Variants in ALOX5AP observed in about 807,000 individuals in gnomAD.
ALOX5AP encodes the protein arachidonate 5-lipoxygenase-activating protein.
ALOX5AP carries 9 observed loss-of-function variants against 18.5 expected under a neutral mutation model. The observed-to-expected ratio is 0.49, with a 90% CI of 0.29 to 0.85. The LOEUF is 0.85. Among genes scored for constraint, ALOX5AP ranks in the 40% least tolerant of loss-of-function variants. The probability of loss-of-function intolerance (pLI) is 0.08; values close to 1 mark genes in which losing one functional copy is unlikely to be tolerated. For synonymous variants in ALOX5AP, 81 were observed against 78.6 expected (o/e 1.03, Z -0.16); for missense variants, 172 against 202.5 (o/e 0.85, Z 0.91).
chr13:30,718,624 G>T (rs1951568881), intron 1 of ALOX5AP, among the ~76,000 whole-genome samples: 1 of 151,914 alleles, frequency 6.6e-6, no homozygotes, highest in Admixed American at 6.6e-5. Context: ...TCTGGAACCT[G>T]CCATCCCTGC....
intron 1 of ALOX5AP, among the ~76,000 whole-genome samples, chr13:30,719,180 A>G (rs1951573590): frequency 6.6e-6 from 1 of 152,226 alleles, no homozygotes; most frequent in Non-Finnish European, 1.5e-5. Context: ...GGTGACAATA[A>G]TGGAGGTTGA....
upstream of ALOX5AP, among the ~76,000 whole-genome samples, chr13:30,733,727 A>G (rs1013369766): frequency 6.6e-6 from 1 of 152,210 alleles, no homozygotes; most frequent in East Asian, 1.9e-4. Flanking sequence ...GGTGTCATCA[A>G]TCCACTGAGG....
chr13:30,734,753 T>C (rs1412080303), upstream of ALOX5AP, among the ~76,000 whole-genome samples: 1 of 152,234 alleles, frequency 6.6e-6, no homozygotes, highest in Admixed American at 6.5e-5. Flanking sequence ...TTTACCTGAA[T>C]TCTTTGGTTT....
chr13:30,756,830 A>G (rs906929862), intron 4 of ALOX5AP, among the ~76,000 whole-genome samples: 1 of 151,186 alleles, frequency 6.6e-6, no homozygotes, highest in Non-Finnish European at 1.5e-5. Flanking sequence ...AAAAAAAAAA[A>G]AAAAAAAAAA....
intron 4 of ALOX5AP, among the ~76,000 whole-genome samples, chr13:30,761,752 C>T (rs772846160): frequency 2.6e-5 from 4 of 152,204 alleles, no homozygotes; most frequent in Non-Finnish European, 5.9e-5. Context: ...TGTGTCTTCA[C>T]ATCATCACCT....
intron 3 of ALOX5AP, 40 bp from the exon 4 acceptor site, chr13:30,755,904 G>T (rs200311897): frequency 6.3e-7 from 1 of 1,595,280 alleles, no homozygotes; most frequent in East Asian, 2.2e-5. Flanking sequence ...TGTTTTGGTG[G>T]CTACGAAACT....
chr13:30,732,045 G>A (rs1386265639), upstream of ALOX5AP, among the ~76,000 whole-genome samples: 1 of 152,266 alleles, frequency 6.6e-6, no homozygotes, highest in East Asian at 1.9e-4. Context: ...TGTGCGCGCT[G>A]TAATTTAATG....
At chr13:30,728,762 C>A (rs1951657687) in intron 1 of ALOX5AP, among the ~76,000 whole-genome samples, 4 of 152,124 alleles carry the variant, frequency 2.6e-5, no homozygotes, top group Admixed American at 2.0e-4. Flanking sequence ...GTGGGAGATT[C>A]ACCTGAGCCC....
chr13:30,745,342 C>T (rs1034117719), intron 2 of ALOX5AP, among the ~76,000 whole-genome samples: 1 of 152,190 alleles, frequency 6.6e-6, no homozygotes, highest in African/African-American at 2.4e-5. Flanking sequence ...GGGCCACTCT[C>T]GAACGCATTA....
intron 3 of ALOX5AP, 94 bp downstream of exon 3, chr13:30,752,216 A>G (rs1951858635): frequency 7.6e-7 from 1 of 1,317,826 alleles, no homozygotes. Context: ...ACTTTGCCTG[A>G]CCTCTGGCTC....
chr13:30,741,657 C>T (rs1951766597), intron 1 of ALOX5AP, among the ~76,000 whole-genome samples: 2 of 150,262 alleles, frequency 1.3e-5, no homozygotes, highest in South Asian at 2.1e-4. Flanking sequence ...GATCTACCCG[C>T]TTCAGCCTCC....
At chr13:30,740,389 ATATAGT>A (rs1044587291) in intron 1 of ALOX5AP, among the ~76,000 whole-genome samples, 6 of 152,192 alleles carry the variant, frequency 3.9e-5, no homozygotes, top group Non-Finnish European at 5.9e-5. Context: ...GCACAAGATG[ATATAGT>A]TAAAGTAGCT....
At chr13:30,730,004 A>G (rs9707073) in intron 1 of ALOX5AP, among the ~76,000 whole-genome samples, 145,801 of 152,338 alleles carry the variant, frequency 0.96, 70,103 homozygotes, top group Middle Eastern at 1. Context: ...AAAAGGAAGA[A>G]GTTTTGCGGA....
At chr13:30,735,017 T>C (rs201876891), upstream of ALOX5AP, among the ~76,000 whole-genome samples, 3 of 152,080 alleles carry the variant, frequency 2.0e-5, no homozygotes, top group East Asian at 5.8e-4. Flanking sequence ...TGTGTGCGTG[T>C]GTGTGTGTGT....
upstream of ALOX5AP, among the ~76,000 whole-genome samples, chr13:30,735,249 G>T (rs1951710994): frequency 6.6e-6 from 1 of 151,996 alleles, no homozygotes; most frequent in South Asian, 2.1e-4. Context: ...CAGATTCTCT[G>T]GTGCCTGTGC....
chr13:30,737,670 T>C (rs985514173), intron 1 of ALOX5AP, among the ~76,000 whole-genome samples: 1 of 152,074 alleles, frequency 6.6e-6, no homozygotes, highest in Non-Finnish European at 1.5e-5. Flanking sequence ...TGGAGTGTGA[T>C]GGCCTGCACA....
In ALOX5AP at chr13:30,756,137, T is replaced by G. The variant is rs568100159; in HGVS notation, c.323+112T>G. The G allele has an allele frequency of 1.6e-5, 16 of 1,015,226 alleles. No homozygotes were observed. In the East Asian group the frequency reaches 2.9e-4, roughly 18 times the overall value. The allele number at this position is 1,015,226 out of a possible 1,614,324, so 62.9% of individuals were successfully genotyped here. On this transcript the variant is annotated intron_variant, in intron 4 of 4. Coordinates refer to ENST00000380490, the MANE Select transcript of ALOX5AP (RefSeq NM_001629.4). The stretch of plus-strand genomic sequence containing the variant: ...GATTCACGGCTCCGTAGCATCCCCT[T>G]GGGTGGGAGGGGGAAGGCTGACTAG...
chr13:30,741,259 C>A (rs1200227947), intron 1 of ALOX5AP, among the ~76,000 whole-genome samples: 2 of 150,718 alleles, frequency 1.3e-5, no homozygotes, highest in Non-Finnish European at 3.0e-5. Flanking sequence ...GTGCCTGCCA[C>A]CACGCCCAGC....
intron 1 of ALOX5AP, chr13:30,742,597 G>C (rs1951775759): frequency 6.6e-6 from 1 of 152,144 alleles, no homozygotes; most frequent in Non-Finnish European, 1.5e-5. Flanking sequence ...CTTTACGTAA[G>C]AGAGCCCTAC....
Sources: gnomAD v4.1 joint callset for allele counts (sites outside exome capture counted in the v4.1 genomes callset) on GRCh38, gnomAD v4.1.1 for gene constraint, MANE v1.5 for transcripts, NCBI Gene and HGNC (gene_info 2026-07-23, HGNC 2026-07-21) for gene names.